Variants in SAMMSON observed in about 807,000 individuals in gnomAD.
SAMMSON encodes the protein survival associated mitochondrial melanoma specific oncogenic non-coding RNA.
At position 70,287,043 on chromosome 3, in the gene SAMMSON, C is replaced by A. The variant is rs1408632030; in HGVS notation, n.675-4136C>A. 4.1e-5 allele frequency among the ~76,000 whole-genome samples: 6 copies of A among 146,736 alleles called. No individual in the cohort carries two copies. In the South Asian group the frequency reaches 1.1e-3, roughly 28 times the overall value. On this transcript the variant is annotated intron_variant and non_coding_transcript_variant, in intron 6 of 9. Transcript: ENST00000642114. ...CTTCCTCTTTTCCTAATTGAATACC[C>A]TTTATTTCCTTCTCCTGCCTAATTG...
At chr3:70,330,763 T>A (rs949863817) in intron 7 of SAMMSON, among the ~76,000 whole-genome samples, 4 of 152,120 alleles carry the variant, frequency 2.6e-5, no homozygotes, top group African/African-American at 9.7e-5. Flanking sequence ...GTTATTTCAA[T>A]GTGAAATTGC....
chr3:70,339,608 C>T (rs1702694446), intron 7 of SAMMSON, among the ~76,000 whole-genome samples: 1 of 152,190 alleles, frequency 6.6e-6, no homozygotes, highest in African/African-American at 2.4e-5. Flanking sequence ...TGAACAGATA[C>T]TTCTGAAAAG....
chr3:70,152,292 A>G (rs1445324480), intron 4 of SAMMSON, among the ~76,000 whole-genome samples: 2 of 152,034 alleles, frequency 1.3e-5, no homozygotes, highest in Non-Finnish European at 2.9e-5. Context: ...GACAGTCCCT[A>G]AAAGTATGAA....
chr3:70,212,083 C>A (rs1033978132), intron 4 of SAMMSON, among the ~76,000 whole-genome samples: 1 of 152,040 alleles, frequency 6.6e-6, no homozygotes, highest in Non-Finnish European at 1.5e-5. Flanking sequence ...ACACTCACAT[C>A]GTCATTGATT....
At chr3:70,042,869 A>C (rs2067111017) in intron 3 of SAMMSON, among the ~76,000 whole-genome samples, 1 of 152,080 alleles carries the variant, frequency 6.6e-6, no homozygotes, top group Non-Finnish European at 1.5e-5. Context: ...GAGAGTATTC[A>C]CTGTTGTGAG....
intron 3 of SAMMSON, chr3:70,070,250 C>T (rs1339199995): frequency 1.3e-5 from 2 of 151,962 alleles, no homozygotes; most frequent in Admixed American, 6.6e-5. Flanking sequence ...AACCATAGTA[C>T]ATATCAAAAG....
chr3:70,394,406 G>A (rs1368336027), downstream of SAMMSON, among the ~76,000 whole-genome samples: 1 of 152,106 alleles, frequency 6.6e-6, no homozygotes, highest in Admixed American at 6.6e-5. Flanking sequence ...AAGGAAAAAT[G>A]TTTGTCCCTA....
chr3:70,096,314 T>G (rs2067322682), intron 4 of SAMMSON, among the ~76,000 whole-genome samples: 1 of 152,016 alleles, frequency 6.6e-6, no homozygotes, highest in Non-Finnish European at 1.5e-5. Flanking sequence ...GAGGCCAAGG[T>G]GGAAGGATAG....
chr3:70,358,767 G>T (rs969606940), intron 9 of SAMMSON, among the ~76,000 whole-genome samples: 2 of 151,780 alleles, frequency 1.3e-5, no homozygotes, highest in African/African-American at 2.4e-5. Context: ...ATAATTTCCT[G>T]GCAAGAAGTA....
intron 4 of SAMMSON, among the ~76,000 whole-genome samples, chr3:70,226,644 A>G (rs1350675929): frequency 6.6e-6 from 1 of 151,484 alleles, no homozygotes; most frequent in Non-Finnish European, 1.5e-5. Context: ...AGGCTGAGGC[A>G]GGAGAATTGC....
intron 7 of SAMMSON, among the ~76,000 whole-genome samples, chr3:70,299,575 G>A (rs567313191): frequency 3.1e-4 from 47 of 152,216 alleles, no homozygotes; most frequent in Admixed American, 9.8e-4. Flanking sequence ...GCCAAGGCTC[G>A]TTGGAGTCAG....
At chr3:70,328,888 G>T (rs1559564944) in intron 7 of SAMMSON, among the ~76,000 whole-genome samples, 1 of 152,086 alleles carries the variant, frequency 6.6e-6, no homozygotes, top group African/African-American at 2.4e-5. Context: ...ATTACTTAAA[G>T]CTCGTACTAA....
intron 7 of SAMMSON, chr3:70,312,542 G>A (rs571904976): frequency 6.6e-6 from 1 of 152,334 alleles, no homozygotes; most frequent in Admixed American, 6.5e-5. Flanking sequence ...AGCACTGCAA[G>A]GTACTCACCT....
intron 7 of SAMMSON, among the ~76,000 whole-genome samples, chr3:70,326,872 T>A (rs1035309483): frequency 5.3e-5 from 8 of 152,146 alleles, no homozygotes; most frequent in South Asian, 2.1e-4. Context: ...ATATATATAT[T>A]TTTTGAGACA....
chr3:70,067,191 T>A (rs1443297847), intron 3 of SAMMSON, among the ~76,000 whole-genome samples: 34 of 152,174 alleles, frequency 2.2e-4, no homozygotes, highest in Admixed American at 1.3e-4. Flanking sequence ...TCGGAGAGAT[T>A]TCCTTACGGT....
At chr3:70,028,681 A>G (rs1559776399) in intron 3 of SAMMSON, among the ~76,000 whole-genome samples, 1 of 152,234 alleles carries the variant, frequency 6.6e-6, no homozygotes, top group Non-Finnish European at 1.5e-5. Context: ...TGTGCTAACC[A>G]CAGCAAAAAC....
chr3:70,348,111 C>G (rs1276734578), intron 7 of SAMMSON, among the ~76,000 whole-genome samples: 1 of 152,044 alleles, frequency 6.6e-6, no homozygotes, highest in Non-Finnish European at 1.5e-5. Context: ...TTGGAACATA[C>G]TGAAGGGGAC....
chr3:70,212,277 G>A (rs1701358907), intron 4 of SAMMSON, among the ~76,000 whole-genome samples: 1 of 152,108 alleles, frequency 6.6e-6, no homozygotes, highest in Non-Finnish European at 1.5e-5. Context: ...ACTTGTAACT[G>A]TCTATTGGAC....
chr3:70,355,333 A>T (rs1427765509), intron 8 of SAMMSON, among the ~76,000 whole-genome samples: 1 of 152,172 alleles, frequency 6.6e-6, no homozygotes, highest in East Asian at 1.9e-4. Context: ...AGGAAGAGTG[A>T]TATTGAAATG....
Sources: allele counts gnomAD v4.1 joint callset (sites outside exome capture counted in the v4.1 genomes callset), GRCh38; gene constraint gnomAD v4.1.1; transcripts MANE v1.5; gene names NCBI Gene and HGNC (gene_info 2026-07-23, HGNC 2026-07-21).